NENF: variants seen among roughly 807,000 people sequenced by gnomAD.
NENF encodes the protein neudesin.
Under a neutral mutation model 14.8 loss-of-function variants are expected in NENF, and 6 were observed. The ratio of observed to expected loss-of-function variants is 0.40; its 90% confidence interval spans 0.22 to 0.80. The LOEUF (loss-of-function observed/expected upper bound fraction) is 0.80. NENF is among the 30% of genes least tolerant of loss of function. NENF has a pLI of 0.34. For missense variants in NENF, 184 were observed against 212.7 expected, an observed-to-expected ratio of 0.87 and a Z score of 0.84; for synonymous variants, 76 against 95.1, an observed-to-expected ratio of 0.80 and a Z score of 1.17.
intron 1 of NENF, among the ~76,000 whole-genome samples, chr1:212,440,869 G>T (rs1027205597): frequency 6.6e-6 from 1 of 152,210 alleles, no homozygotes; most frequent in African/African-American, 2.4e-5. Context: ...AGCAGCAGGT[G>T]CTTGCAGAGC....
chr1:212,439,469 G>A (rs929325781), intron 1 of NENF, among the ~76,000 whole-genome samples: 1 of 151,766 alleles, frequency 6.6e-6, no homozygotes, highest in Admixed American at 6.6e-5. Context: ...TTGAACCCGG[G>A]AGGCGGAGGT....
At chr1:212,443,500 C>T (rs1662726790) in intron 2 of NENF, among the ~76,000 whole-genome samples, 1 of 151,962 alleles carries the variant, frequency 6.6e-6, no homozygotes, top group Non-Finnish European at 1.5e-5. Context: ...TCAAACGATT[C>T]TCCTGCCTCA....
chr1:212,438,957 A>G (rs1662651249), intron 1 of NENF, among the ~76,000 whole-genome samples: 1 of 151,306 alleles, frequency 6.6e-6, no homozygotes, highest in South Asian at 2.1e-4. Context: ...CAAGCCTTCC[A>G]CCCACCCTCC....
chr1:212,443,670 G>T (rs1444892328), intron 2 of NENF, among the ~76,000 whole-genome samples: 1 of 152,062 alleles, frequency 6.6e-6, no homozygotes, highest in Admixed American at 6.5e-5. Context: ...GATTACAGGC[G>T]TGAGTCACCG....
At chr1:212,439,688 CAA>C (rs1218927992) in intron 1 of NENF, among the ~76,000 whole-genome samples, 7 of 60,918 alleles carry the variant, frequency 1.1e-4, no homozygotes, top group African/African-American at 2.7e-4. Flanking sequence ...ACTAAATATA[CAA>C]AAAAAAAAAA....
intron 1 of NENF, among the ~76,000 whole-genome samples, chr1:212,435,506 A>G (rs974623752): frequency 1.3e-5 from 2 of 150,030 alleles, no homozygotes; most frequent in African/African-American, 4.9e-5. Context: ...GCACCCAGCC[A>G]TGTATAACTT....
chr1:212,438,577 C>T (rs1662644830), intron 1 of NENF, among the ~76,000 whole-genome samples: 1 of 151,452 alleles, frequency 6.6e-6, no homozygotes, highest in Non-Finnish European at 1.5e-5. Context: ...GGCTGGAGTG[C>T]AGTGGCTGAT....
At chr1:212,441,522 C>T (rs557682227) in intron 1 of NENF, among the ~76,000 whole-genome samples, 10 of 152,124 alleles carry the variant, frequency 6.6e-5, no homozygotes, top group South Asian at 6.2e-4. Context: ...TGGTGGCTCA[C>T]GTCGGTAATC....
At chr1:212,442,446 G>A (rs1662713031) in intron 1 of NENF, 119 bp from the exon 2 acceptor site, 2 of 786,172 alleles carry the variant, frequency 2.5e-6, no homozygotes, top group East Asian at 4.9e-5. Flanking sequence ...TTAACAGAAA[G>A]CCTTTGGGAC....
chr1:212,434,173 C>T (rs952922798), intron 1 of NENF, among the ~76,000 whole-genome samples: 10 of 152,124 alleles, frequency 6.6e-5, no homozygotes, highest in African/African-American at 2.4e-4. Flanking sequence ...TCAGTGAGGA[C>T]ACCGAGGGAG....
At chr1:212,443,684 C>T (rs1330929105) in intron 2 of NENF, among the ~76,000 whole-genome samples, 2 of 152,030 alleles carry the variant, frequency 1.3e-5, no homozygotes, top group African/African-American at 4.8e-5. Context: ...GTCACCGCAC[C>T]CAGCCTGCAT....
Position 212,433,189 on chromosome 1 carries a change from C to T in NENF, c.177+69C>T, listed in dbSNP as rs1662547913. 8 of 1,024,984 alleles carry T rather than the reference C, an allele frequency of 7.8e-6. No homozygotes were observed. The East Asian group carries it at 3.5e-4, about 44-fold the overall frequency. The allele number at this position is 1,024,984 out of a possible 1,614,324, so 63.5% of individuals were successfully genotyped here. The stretch of plus-strand genomic sequence containing the variant: ...GATCTGCGGCGAGCCGAGCGGGGAC[C>T]CAGGAGGCGCCGGCGGCCCAGGAAG... On this transcript the variant is annotated intron_variant, in intron 1 of 3. Coordinates refer to ENST00000366988, the MANE Select transcript of NENF (RefSeq NM_013349.5). This position sits in a 1 kb window ranked among gnomAD's most constrained non-coding sequence, Gnocchi z 5.5.
chr1:212,445,840 C>T lies in NENF; in HGVS notation c.353C>T (p.Thr118Met), dbSNP rs34254916. 114 of 1,614,180 alleles carry T rather than the reference C, an allele frequency of 7.1e-5. 1 individual carries two copies. The highest frequency in any genetic ancestry group is 7.1e-4 in the African/African-American group (53 of 75,054). Residue 118 changes from threonine to methionine, a missense_variant, in exon 4 of 4, where the codon ACG (threonine) becomes ATG (methionine). Thr to Met is a moderately conservative substitution (Grantham distance 81). Transcript: ENST00000366988. ...GCTTTTCTCCCCAAGACGGGTCTCA[C>T]GGCCAAGGAACTGGAGGCCCTGGAT... ...ADLTHDTTGL[T>M]AKELEALDEV...
chr1:212,440,431 G>A (rs373583117), intron 1 of NENF, among the ~76,000 whole-genome samples: 1 of 151,524 alleles, frequency 6.6e-6, no homozygotes, highest in Non-Finnish European at 1.5e-5. Context: ...TAAAGGAAAG[G>A]CGGTAAATCA....
At chr1:212,439,688 C>CAAAAA (rs1218927992) in intron 1 of NENF, among the ~76,000 whole-genome samples, 2,249 of 60,862 alleles carry the variant, frequency 0.037, 71 homozygotes, top group East Asian at 0.14. Context: ...ACTAAATATA[C>CAAAAA]AAAAAAAAAA....
chr1:212,443,657 T>C (rs1662729058), intron 2 of NENF, among the ~76,000 whole-genome samples: 1 of 152,120 alleles, frequency 6.6e-6, no homozygotes, highest in Non-Finnish European at 1.5e-5. Context: ...CTCAGAGTGC[T>C]GGGATTACAG....
In NENF at chr1:212,445,933, A is replaced by G. The variant is rs1040563870; in HGVS notation, c.446A>G (p.Asn149Ser). 1.1e-5 allele frequency: 17 copies of G among 1,614,072 alleles called. No homozygotes were observed. The highest frequency in any genetic ancestry group is 8.0e-5 in the African/African-American group (6 of 74,910). Reference sequence around the variant, plus strand: ...GGCTACACTGCCCGGAGAATTCTCAATGAGGATGGCAGCCCTAACCTGGAC... The same window carrying G: ...GGCTACACTGCCCGGAGAATTCTCAGTGAGGATGGCAGCCCTAACCTGGAC... ...IVGYTARRIL[N>S]EDGSPNLDFK... Residue 149 changes from asparagine (N) to serine (S), a missense_variant, in exon 4 of 4, where the codon AAT (asparagine) becomes AGT (serine). Transcript: ENST00000366988.
intron 1 of NENF, among the ~76,000 whole-genome samples, chr1:212,441,525 C>T (rs1433490595): frequency 6.6e-6 from 1 of 151,924 alleles, no homozygotes; most frequent in Non-Finnish European, 1.5e-5. Context: ...TGGCTCACGT[C>T]GGTAATCCCA....
At chr1:212,445,179 C>T (rs1662760479) in intron 3 of NENF, among the ~76,000 whole-genome samples, 1 of 151,732 alleles carries the variant, frequency 6.6e-6, no homozygotes, top group Admixed American at 6.6e-5. Flanking sequence ...CGCTCGAATC[C>T]AGGGGGCGGA....
Sources: allele counts gnomAD v4.1 joint callset (sites outside exome capture counted in the v4.1 genomes callset), GRCh38; gene constraint gnomAD v4.1.1; non-coding constraint Gnocchi (gnomAD v3.1); transcripts MANE v1.5; gene names NCBI Gene and HGNC (gene_info 2026-07-23, HGNC 2026-07-21).